Variants in AGBL1 observed in about 807,000 individuals in gnomAD.
AGBL1 encodes the protein cytosolic carboxypeptidase 4.
AGBL1 carries 130 observed loss-of-function variants against 118.9 expected under a neutral mutation model. The ratio of observed to expected loss-of-function variants is 1.09; its 90% CI spans 0.95 to 1.26. The LOEUF (loss-of-function observed/expected upper bound fraction) is 1.26. Ranked by LOEUF, AGBL1 falls within the 50% of genes most tolerant of loss-of-function variation. AGBL1 has a pLI of 0.00. For synonymous variants in AGBL1, 555 were observed against 478.9 expected (o/e 1.16, Z -2.08); for missense variants, 1,584 against 1,298.1 (o/e 1.22, Z -3.38).
chr15:86,386,561 C>T (rs1026325758), intron 17 of AGBL1, among the ~76,000 whole-genome samples: 6 of 151,848 alleles, frequency 4.0e-5, no homozygotes, highest in Non-Finnish European at 5.9e-5. Context: ...GCCATCCCCA[C>T]TTAAATTCAT....
intron 17 of AGBL1, among the ~76,000 whole-genome samples, chr15:86,336,062 C>T (rs1390212725): frequency 6.6e-6 from 1 of 152,172 alleles, no homozygotes; most frequent in Non-Finnish European, 1.5e-5. Context: ...AGTTAGCTTC[C>T]TGTCTGGCAG....
chr15:86,145,544 C>G (rs1222141074), intron 3 of AGBL1, among the ~76,000 whole-genome samples: 1 of 152,210 alleles, frequency 6.6e-6, no homozygotes, highest in Non-Finnish European at 1.5e-5. Flanking sequence ...CCAGTGCTAT[C>G]AGTGGCAGCC....
At chr15:86,447,561 T>A (rs1596126634) in intron 18 of AGBL1, among the ~76,000 whole-genome samples, 1 of 152,196 alleles carries the variant, frequency 6.6e-6, no homozygotes, top group Non-Finnish European at 1.5e-5. Context: ...TAAGTCAAGA[T>A]GAGGTGTGTT....
chr15:86,550,753 C>T (rs956036931), intron 20 of AGBL1, among the ~76,000 whole-genome samples: 1 of 151,782 alleles, frequency 6.6e-6, no homozygotes, highest in African/African-American at 2.4e-5. Context: ...TTACATATAG[C>T]AGTTCTTTTC....
intron 1 of AGBL1, among the ~76,000 whole-genome samples, chr15:86,137,429 C>A (rs1226941362): frequency 1.3e-5 from 2 of 152,054 alleles, no homozygotes; most frequent in African/African-American, 4.8e-5. Context: ...TCTGAATTTA[C>A]TAAAAGTGGC....
intron 6 of AGBL1, among the ~76,000 whole-genome samples, chr15:86,246,324 C>T (rs1158334350): frequency 6.6e-6 from 1 of 152,204 alleles, no homozygotes; most frequent in Non-Finnish European, 1.5e-5. Context: ...TCTGTCGTTA[C>T]AGAGCCAGGA....
intron 22 of AGBL1, among the ~76,000 whole-genome samples, chr15:86,767,804 C>T (rs1413316821): frequency 6.6e-6 from 1 of 151,972 alleles, no homozygotes; most frequent in Non-Finnish European, 1.5e-5. Context: ...GTTGTTCTTA[C>T]TGGTAGCATT....
chr15:86,117,372 G>A (rs1352237530), intron 1 of AGBL1, among the ~76,000 whole-genome samples: 2 of 152,090 alleles, frequency 1.3e-5, no homozygotes, highest in East Asian at 1.9e-4. Flanking sequence ...AGAAGTCTGA[G>A]TGTGTAAGGA....
intron 23 of AGBL1, among the ~76,000 whole-genome samples, chr15:86,952,102 G>T (rs542053659): frequency 1.3e-5 from 2 of 152,028 alleles, no homozygotes; most frequent in East Asian, 3.9e-4. Flanking sequence ...GTGGTGGCAG[G>T]TGCCTGTAAT....
chr15:86,278,934 A>G (rs1567174257), intron 15 of AGBL1, among the ~76,000 whole-genome samples: 1 of 152,246 alleles, frequency 6.6e-6, no homozygotes, highest in Non-Finnish European at 1.5e-5. Context: ...ACGAAGCTGA[A>G]CCACATTTGA....
chr15:86,333,827 T>G (rs774391281), intron 17 of AGBL1, among the ~76,000 whole-genome samples: 2 of 152,170 alleles, frequency 1.3e-5, no homozygotes, highest in Admixed American at 6.5e-5. Flanking sequence ...ATCCAAAAGT[T>G]AATTCTCCAT....
intron 5 of AGBL1, among the ~76,000 whole-genome samples, chr15:86,219,845 A>AT (rs1490257607): frequency 1.6e-4 from 24 of 150,876 alleles, no homozygotes; most frequent in Admixed American, 4.6e-4. Flanking sequence ...ACAGAGAGAT[A>AT]TTTTAGATTC....
At chr15:86,992,716 T>A (rs1462384223) in intron 24 of AGBL1, among the ~76,000 whole-genome samples, 1 of 125,140 alleles carries the variant, frequency 8.0e-6, no homozygotes, top group Non-Finnish European at 1.6e-5. Flanking sequence ...AGTCTGGATT[T>A]TTTTTTTTTT....
intron 18 of AGBL1, among the ~76,000 whole-genome samples, chr15:86,418,490 T>G (rs1316022579): frequency 1.3e-5 from 2 of 152,236 alleles, no homozygotes; most frequent in Non-Finnish European, 2.9e-5. Flanking sequence ...TTATGAGTTC[T>G]ACTTCCTTTC....
chr15:86,149,300 G>A (rs2077074526), intron 3 of AGBL1, among the ~76,000 whole-genome samples: 1 of 152,126 alleles, frequency 6.6e-6, no homozygotes, highest in Non-Finnish European at 1.5e-5. Flanking sequence ...ATGTAAATGG[G>A]CTGAATGCTC....
chr15:86,690,605 G>C (rs529918951), intron 22 of AGBL1, among the ~76,000 whole-genome samples: 12 of 152,202 alleles, frequency 7.9e-5, no homozygotes, highest in African/African-American at 2.9e-4. Flanking sequence ...AATTTATCTC[G>C]AATCATTAGG....
At chr15:86,140,114 T>C (rs2076942735) in intron 1 of AGBL1, 4 of 175,170 alleles carry the variant, frequency 2.3e-5, no homozygotes, top group South Asian at 1.4e-4. Flanking sequence ...CCCAGAGTCA[T>C]AGCGCAGTCA....
chr15:86,744,269 G>A (rs769286328), intron 22 of AGBL1, among the ~76,000 whole-genome samples: 3 of 152,064 alleles, frequency 2.0e-5, no homozygotes, highest in East Asian at 1.9e-4. Flanking sequence ...TGACGAGCCC[G>A]CTTTGCATAT....
At chr15:86,668,543 C>A (rs2085686536) in intron 21 of AGBL1, among the ~76,000 whole-genome samples, 1 of 152,060 alleles carries the variant, frequency 6.6e-6, no homozygotes, top group African/African-American at 2.4e-5. Context: ...TCAGAGTGGC[C>A]CCCTTTTATC....
Sources: allele counts gnomAD v4.1 joint callset (sites outside exome capture counted in the v4.1 genomes callset), GRCh38; gene constraint gnomAD v4.1.1; transcripts MANE v1.5; gene names NCBI Gene and HGNC (gene_info 2026-07-23, HGNC 2026-07-21).